CHRM3: variants seen among roughly 807,000 people sequenced by gnomAD.
CHRM3 encodes the protein cholinergic receptor muscarinic 3, also known as muscarinic acetylcholine receptor M3.
CHRM3 carries 11 observed loss-of-function variants against 41.8 expected under a neutral mutation model. The observed-to-expected ratio is 0.26, with a 90% CI of 0.17 to 0.44. CHRM3 has a LOEUF of 0.44. Among genes scored for constraint, CHRM3 ranks in the 20% least tolerant of loss-of-function variants. CHRM3 has a pLI of 1.00. For synonymous variants in CHRM3, 297 were observed against 301.4 expected (o/e 0.99, Z 0.15); for missense variants, 571 against 745.4 (o/e 0.77, Z 2.72).
chr1:239,581,681 T>G (rs1310609894), intron 3 of CHRM3, among the ~76,000 whole-genome samples: 1 of 152,204 alleles, frequency 6.6e-6, no homozygotes, highest in African/African-American at 2.4e-5. Context: ...ATTTTCTTAT[T>G]TAATGCTTAC....
At chr1:239,699,143 G>T (rs556982590) in intron 5 of CHRM3, among the ~76,000 whole-genome samples, 2 of 151,800 alleles carry the variant, frequency 1.3e-5, no homozygotes, top group East Asian at 3.9e-4. Flanking sequence ...TGTTGTTTCT[G>T]TATTCTTATT....
chr1:239,501,077 C>G (rs1668212077), intron 2 of CHRM3, among the ~76,000 whole-genome samples: 1 of 152,174 alleles, frequency 6.6e-6, no homozygotes, highest in African/African-American at 2.4e-5. Context: ...AGGCAAATAT[C>G]ACCATCCTAA....
At chr1:239,754,328 G>C (rs1666068394) in intron 5 of CHRM3, among the ~76,000 whole-genome samples, 1 of 152,196 alleles carries the variant, frequency 6.6e-6, no homozygotes, top group South Asian at 2.1e-4. Context: ...TTTGTTATCA[G>C]TGCTAGCTTT....
In CHRM3 at chr1:239,672,043, G is replaced by GCATTACT. The variant is rs558098234; in HGVS notation, c.-249-6140_-249-6139insTACTCAT. ...GGAATTTTATCCCAGAGAATGAAAGGCATGTTGGTAAAGATGAGTTATGCA... is the reference window on the plus strand; with the variant it reads ...GGAATTTTATCCCAGAGAATGAAAGGCATTACTCATGTTGGTAAAGATGAGTTATGCA... On this transcript the variant is annotated intron_variant, in intron 4 of 6. Coordinates refer to ENST00000676153, the MANE Select transcript of CHRM3 (RefSeq NM_001375978.1). 1.6e-3 allele frequency among the ~76,000 whole-genome samples: 239 copies of GCATTACT among 152,232 alleles called. 1 individual carries two copies. Among genetic ancestry groups the GCATTACT allele is most frequent in the Non-Finnish European group, 1.2e-3 (79 of 68,020 alleles).
At chr1:239,519,010 C>G (rs1669453182) in intron 2 of CHRM3, among the ~76,000 whole-genome samples, 1 of 152,176 alleles carries the variant, frequency 6.6e-6, no homozygotes, top group Admixed American at 6.5e-5. Context: ...TTCACTTCCT[C>G]TTTCCAGACA....
chr1:239,404,402 AAGAAAGAAAAAGAAAGAAAGAAAG>A (rs1660328327), intron 1 of CHRM3, among the ~76,000 whole-genome samples: 124 of 64,652 alleles, frequency 1.9e-3, no homozygotes, highest in African/African-American at 7.2e-3. Context: ...GAAAGAAAGA[AAGAAAGAAAAAGAAAGAAAGAAAG>A]AAAGAAAGAA....
chr1:239,802,633 G>C (rs139372230), intron 5 of CHRM3, among the ~76,000 whole-genome samples: 1 of 152,196 alleles, frequency 6.6e-6, no homozygotes, highest in Non-Finnish European at 1.5e-5. Context: ...GTCTTACTCT[G>C]TTGCCCAGGC....
At chr1:239,553,843 T>G (rs948559129) in intron 3 of CHRM3, among the ~76,000 whole-genome samples, 1 of 152,198 alleles carries the variant, frequency 6.6e-6, no homozygotes, top group African/African-American at 2.4e-5. Flanking sequence ...AATTTAAATG[T>G]AGGGGCAAAC....
chr1:239,574,021 A>T (rs1175707650), intron 3 of CHRM3, among the ~76,000 whole-genome samples: 1 of 152,080 alleles, frequency 6.6e-6, no homozygotes, highest in African/African-American at 2.4e-5. Flanking sequence ...CTGTACAAGG[A>T]TGACCCTGAA....
chr1:239,785,486 C>T (rs538235691), intron 5 of CHRM3, among the ~76,000 whole-genome samples: 7 of 152,252 alleles, frequency 4.6e-5, no homozygotes, highest in South Asian at 2.1e-4. Flanking sequence ...TGTCTGCATG[C>T]GTGAAGACCA....
intron 1 of CHRM3, among the ~76,000 whole-genome samples, chr1:239,442,451 C>CT (rs542929419): frequency 1.9e-3 from 272 of 145,598 alleles, no homozygotes; most frequent in Non-Finnish European, 2.7e-3. Context: ...AGAGAAAACC[C>CT]TTTTTTTTTT....
intron 4 of CHRM3, among the ~76,000 whole-genome samples, chr1:239,640,977 A>G (rs1417478293): frequency 6.6e-6 from 1 of 150,640 alleles, no homozygotes; most frequent in African/African-American, 2.4e-5. Flanking sequence ...CTTTGTTCTC[A>G]TTGGTTTCAA....
At chr1:239,890,820 G>C (rs1678492910) in intron 6 of CHRM3, among the ~76,000 whole-genome samples, 1 of 152,132 alleles carries the variant, frequency 6.6e-6, no homozygotes, top group South Asian at 2.1e-4. Context: ...TTGCAAAAAA[G>C]AATTCCTTTG....
intron 6 of CHRM3, among the ~76,000 whole-genome samples, chr1:239,847,922 AAAAAG>A (rs1266571102): frequency 6.6e-6 from 1 of 151,682 alleles, no homozygotes; most frequent in Non-Finnish European, 1.5e-5. Flanking sequence ...CTCAAAAAGA[AAAAAG>A]AAAAGAGAAG....
chr1:239,841,294 G>A (rs766493955), intron 6 of CHRM3, among the ~76,000 whole-genome samples: 51 of 152,254 alleles, frequency 3.3e-4, no homozygotes, highest in Non-Finnish European at 4.4e-4. Context: ...AGTTTCAGAA[G>A]GCACTGTGAG....
intron 3 of CHRM3, among the ~76,000 whole-genome samples, chr1:239,605,547 G>T (rs369178112): frequency 5.3e-4 from 81 of 152,202 alleles, no homozygotes; most frequent in African/African-American, 1.9e-3. Flanking sequence ...ATGTTTAAAA[G>T]AATCATGATC....
At chr1:239,405,711 T>C (rs796326535) in intron 1 of CHRM3, among the ~76,000 whole-genome samples, 2 of 152,326 alleles carry the variant, frequency 1.3e-5, no homozygotes, top group African/African-American at 4.8e-5. Flanking sequence ...GTCAAGTTTT[T>C]AAAGGTTCAA....
intron 2 of CHRM3, among the ~76,000 whole-genome samples, chr1:239,533,521 A>G: frequency 6.6e-6 from 1 of 151,596 alleles, no homozygotes; most frequent in Admixed American, 6.6e-5. Flanking sequence ...GGATCATCTA[A>G]GGTCAGGAGT....
rs372748403 is a variant in CHRM3, at chr1:239,771,004, C to T, written c.-146-56248C>T. 1.5e-4 allele frequency among the ~76,000 whole-genome samples: 22 copies of T among 151,708 alleles called. No homozygotes were observed. The East Asian group carries it at 3.3e-3, about 23-fold the overall frequency. ...TATGGAGGCTGAGGCAGGGGAATTG[C>T]TTTAACCTGGGAGGCAGAGGTTGCA... On this transcript the variant is annotated intron_variant, in intron 5 of 6. Transcript: ENST00000676153.
Sources: allele counts gnomAD v4.1 joint callset (sites outside exome capture counted in the v4.1 genomes callset), GRCh38; gene constraint gnomAD v4.1.1; transcripts MANE v1.5; gene names NCBI Gene and HGNC (gene_info 2026-07-23, HGNC 2026-07-21).